The following SYN1 variants were observed in gnomAD, a reference collection of about 807,000 sequenced individuals.
The protein encoded by SYN1 is synapsin-1.
A neutral mutation model predicts 44.6 loss-of-function variants in SYN1; 8 were observed. The observed-to-expected ratio is 0.18, with a 90% CI of 0.11 to 0.32. The LOEUF is 0.32. Among genes scored for constraint, SYN1 ranks in the 10% least tolerant of loss-of-function variants. SYN1 has a pLI of 1.00. For synonymous variants in SYN1, 275 were observed against 280.1 expected (o/e 0.98, Z 0.18); for missense variants, 451 against 639.4 (o/e 0.71, Z 3.18).
intron 5 of SYN1, among the ~76,000 whole-genome samples, chrX:47,600,644 C>T: frequency 1.8e-5 from 2 of 111,956 alleles, no homozygotes; most frequent in Non-Finnish European, 3.8e-5. Flanking sequence ...AGCCAGAAAA[C>T]AAATCTCAGT....
At chrX:47,587,775 C>T (rs2057832576) in intron 5 of SYN1, among the ~76,000 whole-genome samples, 1 of 111,507 alleles carries the variant, frequency 9.0e-6, no homozygotes, top group South Asian at 3.8e-4. Context: ...GCTCCTGCCC[C>T]TCATACTCCA....
intron 5 of SYN1, among the ~76,000 whole-genome samples, chrX:47,596,098 T>C (rs768134407): frequency 1.8e-5 from 2 of 112,152 alleles, no homozygotes; most frequent in East Asian, 5.6e-4. Flanking sequence ...CTAGCAACCA[T>C]TGGAGGAGGC....
chrX:47,608,151 G>A (rs1326598168), intron 1 of SYN1, among the ~76,000 whole-genome samples: 2 of 109,554 alleles, frequency 1.8e-5, no homozygotes, highest in Non-Finnish European at 3.8e-5. Flanking sequence ...GTAGTGAGCC[G>A]TGATTGCACC....
intron 1 of SYN1, among the ~76,000 whole-genome samples, chrX:47,615,430 C>T (rs775954718): frequency 1.8e-5 from 2 of 111,448 alleles, no homozygotes; most frequent in East Asian, 2.8e-4. Context: ...TATTACATAC[C>T]GTATGTCATA....
rs1027914496 is a variant in SYN1, at chrX:47,586,423, T to A, written c.775-8922A>T. The A allele has an allele frequency of 1.8e-5, 20 of 1,129,581 alleles. No individual in the cohort carries two copies. The East Asian group carries it at 2.4e-4, about 14-fold the overall frequency. The allele number at this position is 1,129,581 out of a possible 1,213,427, so 93.1% of individuals were successfully genotyped here. A position where few individuals can be genotyped will look rare whatever the true frequency, so the allele number is the denominator to read the frequency against. ...TACTTAGGTGGGGTGAGAGCAAGTCTCCCCAGCGGCTCAGTGTTGAAAGCT... is the reference window on the plus strand; with the variant it reads ...TACTTAGGTGGGGTGAGAGCAAGTCACCCCAGCGGCTCAGTGTTGAAAGCT... On this transcript the variant is annotated intron_variant, in intron 5 of 12. Coordinates refer to ENST00000295987, the MANE Select transcript of SYN1 (RefSeq NM_006950.3).
intron 5 of SYN1, chrX:47,582,620 A>G (rs1156750167): frequency 2.8e-6 from 1 of 356,316 alleles, no homozygotes; most frequent in Admixed American, 2.8e-5. Context: ...GTCTAGGGGG[A>G]AGAGGGTCGG....
chrX:47,582,598 G>C (rs1186683982), intron 5 of SYN1: 9 of 364,544 alleles, frequency 2.5e-5, no homozygotes. Flanking sequence ...CGGGTACCAG[G>C]ACCCTGGGCT....
intron 5 of SYN1, among the ~76,000 whole-genome samples, chrX:47,604,441 C>T (rs145245356): frequency 0.039 from 4,229 of 109,544 alleles, 210 homozygotes; most frequent in African/African-American, 0.13. Context: ...TTAGTAGAGA[C>T]GGGGTCTCAT....
intron 5 of SYN1, among the ~76,000 whole-genome samples, chrX:47,592,746 A>C (rs1006966571): frequency 9.0e-6 from 1 of 111,240 alleles, no homozygotes; most frequent in Admixed American, 9.6e-5. Flanking sequence ...CTTATCCCAA[A>C]ATATCTTATT....
rs2147912234 is a variant in SYN1, at chrX:47,574,358, C to A, written c.1626G>T (p.Ala542=). The A allele has an allele frequency of 9.8e-7, 1 of 1,022,076 alleles. No homozygotes were observed. Among genetic ancestry groups the A allele is most frequent in the Non-Finnish European group, 1.2e-6 (1 of 808,852 alleles). The allele number at this position is 1,022,076 out of a possible 1,213,427, so 84.2% of individuals were successfully genotyped here. The stretch of plus-strand genomic sequence containing the variant: ...AGGCGGGCGGGCGGGCTGCTGGAGG[C>A]GCCCCGGGGCCTCCCGCCACTGGCC... ...QSRPVAGGPG[A]PPAARPPASP... The change falls in exon 12 of 13, where the codon GCG becomes GCT. Residue 542 remains alanine, a synonymous_variant. Coordinates refer to ENST00000295987, the MANE Select transcript of SYN1 (RefSeq NM_006950.3).
chrX:47,619,664 A>T lies in SYN1; in HGVS notation c.65T>A (p.Met22Lys), dbSNP rs1250655983. 2 of 1,168,029 alleles carry T rather than the reference A, an allele frequency of 1.7e-6. No homozygotes were observed. Among genetic ancestry groups the T allele is most frequent in the Non-Finnish European group, 1.1e-6 (1 of 872,964 alleles). Residue 22 changes from methionine to lysine, a missense_variant, in exon 1 of 13, where the codon ATG becomes AAG. This residue lies in a region of SYN1 where 315 missense variants were observed against 451.4 expected (regional missense o/e 0.70). Coordinates refer to ENST00000295987, the MANE Select transcript of SYN1 (RefSeq NM_006950.3). The stretch of plus-strand genomic sequence containing the variant: ...CGGCTGCGGACGCTGCAGGTCTGTC[A>T]TGTACCCATTTGGCAGATTGGCCAT... ...NFMANLPNGY[M>K]TDLQRPQPPP...
intron 5 of SYN1, among the ~76,000 whole-genome samples, chrX:47,601,915 T>C (rs1404429533): frequency 7.1e-5 from 8 of 112,370 alleles, no homozygotes; most frequent in Non-Finnish European, 1.3e-4. Flanking sequence ...AATCAATTAA[T>C]GTACTACATA....
rs1171235011 is a variant in SYN1, at chrX:47,574,573, C to T, written c.1411G>A (p.Gly471Ser). The change falls in exon 12 of 13, where the codon GGT becomes AGT. Residue 471 changes from glycine to serine, a missense_variant. Physicochemically the swap from Gly to Ser is moderately conservative, Grantham distance 56 (BLOSUM62 0). This residue lies in a region of SYN1 where 315 missense variants were observed against 451.4 expected (regional missense o/e 0.70). Transcript: ENST00000295987. ...PPPQGGPPQPGPGPQRQGPPL... is the reference protein window; with the variant it reads ...PPPQGGPPQPSPGPQRQGPPL... Reference sequence around the variant, plus strand: ...GGTCCCTGGCGCTGGGGGCCTGGACCCGGCTGTGGAGGGCCGCCTGGGGGA... The same window carrying T: ...GGTCCCTGGCGCTGGGGGCCTGGACTCGGCTGTGGAGGGCCGCCTGGGGGA... The T allele has an allele frequency of 4.6e-6, 5 of 1,094,423 alleles. No homozygotes were observed. In the African/African-American group the frequency reaches 7.5e-5, roughly 16 times the overall value. 90.2% of individuals were successfully genotyped at this position (1,094,423 alleles called of 1,213,427 possible).
At chrX:47,577,612 C>T in intron 5 of SYN1, 111 bp from the exon 6 acceptor site, 1 of 672,177 alleles carries the variant, frequency 1.5e-6, no homozygotes, top group South Asian at 2.4e-5. Context: ...TGAGTCACTT[C>T]CCAGGACACA....
At chrX:47,602,534 C>T (rs1156481537) in intron 5 of SYN1, among the ~76,000 whole-genome samples, 4 of 110,329 alleles carry the variant, frequency 3.6e-5, no homozygotes, top group South Asian at 7.8e-4. Context: ...CCCAGCTACT[C>T]GGGAGGCTGA....
intron 1 of SYN1, among the ~76,000 whole-genome samples, chrX:47,611,092 C>A (rs959640471): frequency 9.0e-6 from 1 of 111,535 alleles, no homozygotes; most frequent in Non-Finnish European, 1.9e-5. Flanking sequence ...CAATGGCATA[C>A]TTTGTAGTTG....
intron 5 of SYN1, among the ~76,000 whole-genome samples, chrX:47,599,493 T>G (rs1212525064): frequency 8.8e-6 from 1 of 113,076 alleles, no homozygotes; most frequent in Non-Finnish European, 1.9e-5. Context: ...CATCAAATGA[T>G]TCTTCATCCA....
At chrX:47,609,857 G>A (rs1158324417) in intron 1 of SYN1, among the ~76,000 whole-genome samples, 1 of 111,756 alleles carries the variant, frequency 8.9e-6, no homozygotes, top group East Asian at 2.8e-4. Context: ...TCTCCCAGGT[G>A]GGAGAATACA....
At chrX:47,600,691 T>G (rs2057877266) in intron 5 of SYN1, among the ~76,000 whole-genome samples, 1 of 111,872 alleles carries the variant, frequency 8.9e-6, no homozygotes, top group South Asian at 3.7e-4. Flanking sequence ...AAATATGTTC[T>G]CTGACCACAA....
Sources: allele counts gnomAD v4.1 joint callset (sites outside exome capture counted in the v4.1 genomes callset), GRCh38; gene constraint gnomAD v4.1.1; regional missense constraint gnomAD v4.1.1; transcripts MANE v1.5; gene names NCBI Gene and HGNC (gene_info 2026-07-23, HGNC 2026-07-21).